UPF1: variants seen among roughly 807,000 people sequenced by gnomAD.
UPF1 encodes UPF1 RNA helicase and ATPase.
In UPF1, 9 loss-of-function variants were observed where a neutral mutation model predicts 129.2. The observed-to-expected ratio is 0.07, with a 90% confidence interval of 0.04 to 0.12. The LOEUF (loss-of-function observed/expected upper bound fraction) is 0.12. Among genes scored for constraint, UPF1 ranks in the 10% least tolerant of loss-of-function variants. The pLI is 1.00. For synonymous variants in UPF1, 649 were observed against 644.9 expected (o/e 1.01, Z -0.10); for missense variants, 788 against 1,525.3 (o/e 0.52, Z 8.05).
At chr19:18,862,362 T>C (rs1400458701) in intron 18 of UPF1, among the ~76,000 whole-genome samples, 1 of 152,170 alleles carries the variant, frequency 6.6e-6, no homozygotes, top group African/African-American at 2.4e-5. Context: ...GACGTATTTT[T>C]CCAGGCCCTT....
rs903285948 is a variant in UPF1 at position 18,851,903 on chromosome 19, C to T, written c.811-232C>T. Among the ~76,000 whole-genome samples the T allele has an allele frequency of 1.3e-5, 2 of 152,238 alleles. No homozygotes were observed. Among genetic ancestry groups the T allele is most frequent in the Non-Finnish European group, 2.9e-5 (2 of 68,046 alleles). ...ACCCCGCTGGGGTGCGGAGCAGCAGCTGAGGCCCAGGCATGGGCCAGGCCG... is the reference window on the plus strand; with the variant it reads ...ACCCCGCTGGGGTGCGGAGCAGCAGTTGAGGCCCAGGCATGGGCCAGGCCG... On this transcript the variant is annotated intron_variant, in intron 5 of 23. Transcript: ENST00000262803. The surrounding 1 kb of genome is among the most constrained non-coding windows in gnomAD (Gnocchi z 4.2).
rs746527373 is a variant in UPF1, at chr19:18,865,468, C to T, written c.3019+18C>T. The T allele has an allele frequency of 2.9e-5, 46 of 1,611,796 alleles. No individual in the cohort carries two copies. The highest frequency in any genetic ancestry group is 1.3e-4 in the South Asian group (12 of 91,032). ...TGCTGCAGGTGAGCATCTGTGGCTG[C>T]GGCTGGGTGTGGCCCTCCTGAGAGC... is the stretch of plus-strand genomic sequence containing the variant. On this transcript the variant is annotated intron_variant, in intron 21 of 23. Transcript: ENST00000262803. The surrounding 1 kb of genome is among the most constrained non-coding windows in gnomAD (Gnocchi z 6.1).
intron 19 of UPF1, 108 bp downstream of exon 19, chr19:18,863,720 T>G: frequency 1.8e-6 from 2 of 1,126,954 alleles, no homozygotes; most frequent in Non-Finnish European, 1.2e-6. Context: ...GGGAGGGCTC[T>G]CCTAGGGGAG....
At chr19:18,844,473 G>T (rs1486281953) in intron 1 of UPF1, among the ~76,000 whole-genome samples, 2 of 149,184 alleles carry the variant, frequency 1.3e-5, no homozygotes, top group African/African-American at 5.0e-5. Flanking sequence ...ACAGGCACGT[G>T]CCACCACGTC....
At chr19:18,836,038 C>T (rs998024183) in intron 1 of UPF1, among the ~76,000 whole-genome samples, 1 of 152,206 alleles carries the variant, frequency 6.6e-6, no homozygotes, top group Non-Finnish European at 1.5e-5. Flanking sequence ...TCAGATAACA[C>T]TCCTTTTCTT....
In UPF1 at chr19:18,852,203, C is replaced by T. The variant is rs1294084361; in HGVS notation, c.879C>T (p.Leu293=). ...TGGACGAGGAGCCGCAGCATGTCCT[C>T]CTGCGGTACGAGGACGCCTACCAGT... ...PGVDEEPQHV[L]LRYEDAYQYQ... is the part of the protein sequence containing the mutation. Residue 293 remains leucine, a synonymous_variant, in exon 6 of 24, where the codon CTC becomes CTT. Coordinates refer to ENST00000262803, the MANE Select transcript of UPF1 (RefSeq NM_002911.4). 1.9e-6 allele frequency: 3 copies of T among 1,613,594 alleles called. No homozygotes were observed. The highest frequency in any genetic ancestry group is 1.6e-4 in the Middle Eastern group (1 of 6,072).
chr19:18,864,261 T>C lies in UPF1; in HGVS notation c.2857+10T>C, dbSNP rs2055814568. 4.4e-6 allele frequency: 7 copies of C among 1,608,490 alleles called. No individual in the cohort carries two copies. Among genetic ancestry groups the C allele is most frequent in the African/African-American group, 1.3e-5 (1 of 74,972 alleles). ...GATCGGAGCAGCCAGGGTGAGTCGCTCAGCAGGGGACCTGGCCGACCCCTT... is the reference window on the plus strand; with the variant it reads ...GATCGGAGCAGCCAGGGTGAGTCGCCCAGCAGGGGACCTGGCCGACCCCTT... On this transcript the variant is annotated intron_variant, in intron 20 of 23. Coordinates refer to ENST00000262803, the MANE Select transcript of UPF1 (RefSeq NM_002911.4).
intron 18 of UPF1, among the ~76,000 whole-genome samples, chr19:18,862,622 G>A (rs769820203): frequency 2.0e-5 from 3 of 152,044 alleles, no homozygotes; most frequent in Non-Finnish European, 2.9e-5. Flanking sequence ...GATCACCTGA[G>A]GTCAGGTGTT....
chr19:18,863,071 G>A (rs2055798818), intron 18 of UPF1: 1 of 211,310 alleles, frequency 4.7e-6, no homozygotes, highest in African/African-American at 2.3e-5. Flanking sequence ...TTCGTGAGGT[G>A]GGCTAGAGGA....
At chr19:18,845,511 T>TG (rs1310083834) in intron 1 of UPF1, among the ~76,000 whole-genome samples, 2 of 152,138 alleles carry the variant, frequency 1.3e-5, no homozygotes, top group Non-Finnish European at 2.9e-5. Flanking sequence ...CTTGAAGGGA[T>TG]GGGGAGGGTG....
rs369728050 is a variant in UPF1, at chr19:18,857,376, G to A, written c.2025G>A (p.Ala675=). The stretch of plus-strand genomic sequence containing the variant: ...GCCCAGTGGTGATGTGCAAGAAGGC[G>A]GCCAAGGCCGGGCTGTCACAGTCGC... The part of the protein sequence containing the change: ...QLGPVVMCKK[A]AKAGLSQSLF... Residue 675 remains alanine (A), a synonymous_variant, in exon 15 of 24, where the codon GCG becomes GCA. Transcript: ENST00000262803. 414 of 1,613,304 alleles carry A rather than the reference G, an allele frequency of 2.6e-4. No individual in the cohort carries two copies. Among genetic ancestry groups the A allele is most frequent in the Non-Finnish European group, 3.2e-4 (383 of 1,180,046 alleles).
rs530484463 is a variant in UPF1, at chr19:18,850,392, G to A, written c.629+150G>A. ...TTGCTGAAGGGTGAGGCATGAGAGC[G>A]TTTAGGCGCTGAGGCTTGTTAAGGA... On this transcript the variant is annotated intron_variant, in intron 4 of 23. Transcript: ENST00000262803. This position sits in a 1 kb window ranked among gnomAD's most constrained non-coding sequence, Gnocchi z 7.1. The A allele has an allele frequency of 2.1e-5, 25 of 1,183,698 alleles. No individual in the cohort carries two copies. In the East Asian group the frequency reaches 3.9e-4, roughly 18 times the overall value. 73.3% of individuals were successfully genotyped at this position (1,183,698 alleles called of 1,614,324 possible).
At chr19:18,836,909 A>G (rs1416625957) in intron 1 of UPF1, among the ~76,000 whole-genome samples, 1 of 151,826 alleles carries the variant, frequency 6.6e-6, no homozygotes. Context: ...GTGTGCTACC[A>G]TGCCCGGCTA....
chr19:18,866,963 CG>C lies in UPF1; in HGVS notation c.*449del. On this transcript the variant is annotated 3_prime_UTR_variant, in exon 24 of 24. Transcript: ENST00000262803. ...GACAGCAGCGTGCGGGGCAGAGCCC[CG>C]GGAGGGCGCGTCTGTCCACGCCTAC... 1 of 152,722 alleles carries C rather than the reference CG, an allele frequency of 6.5e-6. No homozygotes were observed. Among genetic ancestry groups the C allele is most frequent in the East Asian group, 1.9e-4 (1 of 5,180 alleles). 9.5% of individuals were successfully genotyped at this position (152,722 alleles called of 1,614,324 possible). A position where few individuals can be genotyped will look rare whatever the true frequency, so the allele number is the denominator to read the frequency against.
Position 18,867,490 on chromosome 19 carries a change from C to T in UPF1, c.*973C>T, listed in dbSNP as rs1005883811. On this transcript the variant is annotated 3_prime_UTR_variant, in exon 24 of 24. Transcript: ENST00000262803. Reference sequence around the variant, plus strand: ...GCTGTTCCCGGATTGACGGCTTTTTCCCGGGGGCCTTTGGAAGATTTGGTG... The same window carrying T: ...GCTGTTCCCGGATTGACGGCTTTTTTCCGGGGGCCTTTGGAAGATTTGGTG... The T allele has an allele frequency of 2.6e-5, 4 of 152,476 alleles. No homozygotes were observed. Among genetic ancestry groups the T allele is most frequent in the African/African-American group, 9.6e-5 (4 of 41,468 alleles). 9.4% of individuals were successfully genotyped at this position (152,476 alleles called of 1,614,324 possible). A position where few individuals can be genotyped will look rare whatever the true frequency, so the allele number is the denominator to read the frequency against.
rs1490129343 is a variant in UPF1 at position 18,855,144 on chromosome 19, G to A, written c.1446G>A (p.Val482=). Residue 482 remains valine (V), a synonymous_variant, in exon 11 of 24, where the codon GTG becomes GTA. Coordinates refer to ENST00000262803, the MANE Select transcript of UPF1 (RefSeq NM_002911.4). ...NHSQVYAVKT[V]LQRPLSLIQG... ...TGAAGGTTTATGCCGTGAAGACTGT[G>A]CTGCAAAGACCACTGAGCCTGATCC... 2.6e-5 allele frequency: 42 copies of A among 1,613,880 alleles called. No homozygotes were observed. Among genetic ancestry groups the A allele is most frequent in the Non-Finnish European group, 3.2e-5 (38 of 1,179,986 alleles).
At position 18,863,597 on chromosome 19, in the gene UPF1, C is replaced by G; in HGVS notation, c.2760C>G (p.Val920=). The G allele has an allele frequency of 1.9e-6, 3 of 1,613,484 alleles. No individual in the cohort carries two copies. Among genetic ancestry groups the G allele is most frequent in the Non-Finnish European group, 2.5e-6 (3 of 1,179,814 alleles). Residue 920 remains valine (V), a synonymous_variant, in exon 19 of 24, where the codon GTC becomes GTG. Transcript: ENST00000262803. ...LMQFSKPRKL[V]NTINPGARFM... ...AGTTCAGCAAGCCACGGAAGCTGGT[C>G]AACACTATCAACCCGGTGAGCGCCT...
At chr19:18,866,265 G>GA in intron 23 of UPF1, 99 bp downstream of exon 23, 1 of 1,434,426 alleles carries the variant, frequency 7.0e-7, no homozygotes, top group African/African-American at 1.4e-5. Context: ...GTGGTATCTG[G>GA]AAATGTGTGC....
Position 18,856,885 on chromosome 19 carries a change from T to C in UPF1, c.1833T>C (p.Asp611=). Residue 611 remains aspartate, a synonymous_variant, in exon 14 of 24, where the codon GAT becomes GAC. Transcript: ENST00000262803. ...TCTGCACCCTTCCCCAGAACGCAGA[T>C]GTCATCTGCTGCACATGTGTGGGCG... ...TAERELLMNA[D]VICCTCVGAG... The C allele has an allele frequency of 6.2e-7, 1 of 1,611,264 alleles. No individual in the cohort carries two copies. Among genetic ancestry groups the C allele is most frequent in the Non-Finnish European group, 8.5e-7 (1 of 1,179,552 alleles).
Sources: gnomAD v4.1 joint callset for allele counts (sites outside exome capture counted in the v4.1 genomes callset) on GRCh38, gnomAD v4.1.1 for gene constraint, Gnocchi (gnomAD v3.1) non-coding constraint, MANE v1.5 for transcripts, NCBI Gene and HGNC (gene_info 2026-07-23, HGNC 2026-07-21) for gene names.